The following LARGE1 variants were observed in gnomAD, a reference collection of about 807,000 sequenced individuals.
LARGE1 encodes xylosyl- and glucuronyltransferase LARGE1.
Under a neutral mutation model 87.6 loss-of-function variants are expected in LARGE1, and 43 were observed. The observed-to-expected ratio is 0.49, with a 90% CI of 0.38 to 0.63. The LOEUF (loss-of-function observed/expected upper bound fraction) is 0.63, where lower values mean the gene tolerates loss of function less well. LARGE1 is among the 30% of genes least tolerant of loss of function. The pLI, the probability that LARGE1 is intolerant of heterozygous loss-of-function variation, is 0.00. For synonymous variants in LARGE1, 434 were observed against 394.6 expected (o/e 1.10, Z -1.18); for missense variants, 802 against 1,000.2 (o/e 0.80, Z 2.67).
At chr22:33,426,477 G>A (rs923374874) in intron 7 of LARGE1, among the ~76,000 whole-genome samples, 1 of 152,184 alleles carries the variant, frequency 6.6e-6, no homozygotes, top group African/African-American at 2.4e-5. Context: ...AGAAATGAAG[G>A]GACTTAGCCA....
chr22:33,913,316 G>A (rs2065690912), intron 1 of LARGE1, among the ~76,000 whole-genome samples: 2 of 152,178 alleles, frequency 1.3e-5, no homozygotes, highest in Admixed American at 1.3e-4. Context: ...GGTGGTTAAG[G>A]AACTTATGAA....
chr22:33,543,165 C>T (rs577286849), intron 6 of LARGE1, among the ~76,000 whole-genome samples: 2 of 151,572 alleles, frequency 1.3e-5, no homozygotes, highest in East Asian at 1.9e-4. Context: ...AGGCACACAC[C>T]TAATTGGCTT....
the LARGE1 span, among the ~76,000 whole-genome samples, chr22:33,103,358 G>A: frequency 2.3e-4 from 33 of 145,080 alleles, no homozygotes; most frequent in Admixed American, 1.6e-3. Flanking sequence ...GCATGAACCC[G>A]GTAGGCAGAG....
chr22:33,543,132 A>G (rs1210320658), intron 6 of LARGE1, among the ~76,000 whole-genome samples: 1 of 151,460 alleles, frequency 6.6e-6, no homozygotes. Flanking sequence ...ACACTAATTT[A>G]TTTTTTAATT....
chr22:33,560,859 G>A (rs1261990595), intron 6 of LARGE1, among the ~76,000 whole-genome samples: 1 of 150,960 alleles, frequency 6.6e-6, no homozygotes, highest in African/African-American at 2.5e-5. Flanking sequence ...CTGTCACCCA[G>A]GCTGGAGTGC....
At chr22:33,680,210 A>G (rs1291724878) in intron 2 of LARGE1, among the ~76,000 whole-genome samples, 1 of 152,208 alleles carries the variant, frequency 6.6e-6, no homozygotes, top group Admixed American at 6.5e-5. Flanking sequence ...TGGAGAAGTA[A>G]GCGAGATGGT....
At chr22:33,352,973 C>G (rs1449481558) in intron 9 of LARGE1, among the ~76,000 whole-genome samples, 1 of 152,148 alleles carries the variant, frequency 6.6e-6, no homozygotes, top group Non-Finnish European at 1.5e-5. Flanking sequence ...AACAGCTGAG[C>G]TGACACTTCT....
intron 10 of LARGE1, among the ~76,000 whole-genome samples, chr22:33,326,637 C>T (rs1305999667): frequency 6.6e-6 from 1 of 152,200 alleles, no homozygotes; most frequent in Non-Finnish European, 1.5e-5. Context: ...ATGAGGCAGC[C>T]TCATTCCAGA....
At chr22:33,604,095 G>C (rs933742979) in intron 5 of LARGE1, among the ~76,000 whole-genome samples, 9 of 152,114 alleles carry the variant, frequency 5.9e-5, no homozygotes, top group African/African-American at 1.7e-4. Context: ...CCAGCCCATG[G>C]GGGTCTGAGT....
At chr22:33,264,889 C>CT (rs200074908) in intron 11 of LARGE1, among the ~76,000 whole-genome samples, 39,734 of 74,544 alleles carry the variant, frequency 0.53, 12,947 homozygotes, top group Non-Finnish European at 0.65. Flanking sequence ...TGATCAAATT[C>CT]TTTTTTTTTT....
intron 11 of LARGE1, among the ~76,000 whole-genome samples, chr22:33,313,653 C>T (rs538017679): frequency 6.6e-6 from 1 of 152,326 alleles, no homozygotes; most frequent in South Asian, 2.1e-4. Context: ...TGGCTAGGAA[C>T]TGAGCGTGGC....
At chr22:33,565,076 A>T in intron 5 of LARGE1, 57 bp from the exon 6 acceptor site, 1 of 1,510,760 alleles carries the variant, frequency 6.6e-7, no homozygotes, top group South Asian at 1.1e-5. Flanking sequence ...TTGCTATATT[A>T]ATTCTTTGCT....
At chr22:33,174,252 A>G (rs1922738785) in intron 11 of LARGE1, among the ~76,000 whole-genome samples, 1 of 152,216 alleles carries the variant, frequency 6.6e-6, no homozygotes, top group South Asian at 2.1e-4. Flanking sequence ...CTGGGTAAAT[A>G]ATGAAATAAA....
chr22:33,190,117 C>G (rs549045333), intron 11 of LARGE1, among the ~76,000 whole-genome samples: 1 of 152,226 alleles, frequency 6.6e-6, no homozygotes, highest in East Asian at 1.9e-4. Flanking sequence ...TTTTTCAGCT[C>G]TGCAGTGATA....
intron 11 of LARGE1, among the ~76,000 whole-genome samples, chr22:33,267,261 C>CA (rs575099469): frequency 2.2e-4 from 34 of 151,394 alleles, no homozygotes; most frequent in Admixed American, 4.6e-4. Context: ...AATAAAACCC[C>CA]AAAAAATCCC....
At chr22:33,854,127 G>A (rs78167580) in intron 1 of LARGE1, among the ~76,000 whole-genome samples, 20 of 145,206 alleles carry the variant, frequency 1.4e-4, no homozygotes, top group Non-Finnish European at 2.2e-4. Flanking sequence ...CATCAAAAAC[G>A]TGAAAGCAAA....
intron 2 of LARGE1, among the ~76,000 whole-genome samples, chr22:33,676,820 T>G (rs1267697890): frequency 6.6e-6 from 1 of 152,134 alleles, no homozygotes; most frequent in African/African-American, 2.4e-5. Context: ...TCAGTAGAAG[T>G]ATATTTACAG....
chr22:33,200,431 GC>G (rs1924319774), intron 11 of LARGE1, among the ~76,000 whole-genome samples: 1 of 152,130 alleles, frequency 6.6e-6, no homozygotes, highest in African/African-American at 2.4e-5. Context: ...AACTATTTTG[GC>G]AGTTCCTCAG....
At chr22:33,105,340 G>A in the LARGE1 span, 2 of 152,068 alleles carry the variant, frequency 1.3e-5, no homozygotes, top group Admixed American at 1.3e-4. Context: ...AGTAAAGAAG[G>A]GAAAGAAACT....
Sources: gnomAD v4.1 joint callset for allele counts (sites outside exome capture counted in the v4.1 genomes callset) on GRCh38, gnomAD v4.1.1 for gene constraint, MANE v1.5 for transcripts, NCBI Gene and HGNC (gene_info 2026-07-23, HGNC 2026-07-21) for gene names.